Variants in ERGIC2 observed in about 807,000 individuals in gnomAD.
The protein encoded by ERGIC2 is endoplasmic reticulum-Golgi intermediate compartment protein 2.
Under a neutral mutation model 52.5 loss-of-function variants are expected in ERGIC2, and 31 were observed. The observed-to-expected ratio is 0.59, with a 90% CI of 0.44 to 0.80. The LOEUF is 0.80. ERGIC2 is among the 30% of genes least tolerant of loss of function. The pLI, the probability that ERGIC2 is intolerant of heterozygous loss-of-function variation, is 0.00. For synonymous variants in ERGIC2, 129 were observed against 140.6 expected, an observed-to-expected ratio of 0.92 and a Z score of 0.58; for missense variants, 395 against 455.2, an observed-to-expected ratio of 0.87 and a Z score of 1.20.
chr12:29,343,010 T>C (rs1949849800), intron 12 of ERGIC2, 110 bp downstream of exon 12: 4 of 885,022 alleles, frequency 4.5e-6, no homozygotes, highest in Non-Finnish European at 4.9e-6. Context: ...GCAAAAGCTA[T>C]TTAAACACCG....
chr12:29,374,366 T>C (rs1940485949), intron 1 of ERGIC2, among the ~76,000 whole-genome samples: 1 of 152,188 alleles, frequency 6.6e-6, no homozygotes, highest in East Asian at 1.9e-4. Context: ...CCTCTTTGGC[T>C]TACTGTGCAA....
chr12:29,363,570 A>G (rs1265505379), intron 5 of ERGIC2, among the ~76,000 whole-genome samples: 1 of 151,992 alleles, frequency 6.6e-6, no homozygotes, highest in Admixed American at 6.6e-5. Context: ...AATTATAACA[A>G]TTTAAATAAA....
In ERGIC2 at chr12:29,367,968, T is replaced by C. The variant is rs78747280; in HGVS notation, c.262+273A>G. The stretch of plus-strand genomic sequence containing the variant: ...TCCAAACAAAAAAAGACAGAAAGGA[T>C]GTACATAAACTAGAATGCTGATTCA... On this transcript the variant is annotated intron_variant, in intron 4 of 13. Transcript: ENST00000360150. Among the ~76,000 whole-genome samples the C allele has an allele frequency of 0.032, 4,825 of 151,916 alleles. 123 individuals carry two copies. The highest frequency in any genetic ancestry group is 0.12 in the Middle Eastern group (35 of 294).
At chr12:29,367,039 T>G in intron 4 of ERGIC2, 92 bp from the exon 5 acceptor site, 1 of 370,374 alleles carries the variant, frequency 2.7e-6, no homozygotes, top group Non-Finnish European at 4.4e-6. Context: ...AACAGAAAAC[T>G]CACCAAGCAA....
Position 29,341,079 on chromosome 12 carries a change from A to G in ERGIC2, c.*77T>C, listed in dbSNP as rs547329022. The G allele has an allele frequency of 1.2e-5, 11 of 929,014 alleles. No homozygotes were observed. The highest frequency in any genetic ancestry group is 3.4e-6 in the Non-Finnish European group (2 of 595,352). The allele number at this position is 929,014 out of a possible 1,614,324, so 57.5% of individuals were successfully genotyped here. On this transcript the variant is annotated 3_prime_UTR_variant, in exon 14 of 14. Coordinates refer to ENST00000360150, the MANE Select transcript of ERGIC2 (RefSeq NM_016570.3). ...TATTTGTGTTTTCTTTTCTTTGAAT[A>G]TATTGCACAATATTTTATTATTAAA...
chr12:29,345,300 T>C (rs1439280378), intron 11 of ERGIC2, 143 bp downstream of exon 11: 5 of 613,998 alleles, frequency 8.1e-6, no homozygotes, highest in South Asian at 2.0e-5. Context: ...TAAAATAAAA[T>C]GTTAATTCAT....
At chr12:29,364,542 G>T (rs1940332340) in intron 5 of ERGIC2, among the ~76,000 whole-genome samples, 1 of 151,912 alleles carries the variant, frequency 6.6e-6, no homozygotes, top group Non-Finnish European at 1.5e-5. Context: ...ATCACCCTTG[G>T]GAAAGAATTT....
At chr12:29,370,323 C>A in intron 2 of ERGIC2, 101 bp from the exon 3 acceptor site, 1 of 1,287,278 alleles carries the variant, frequency 7.8e-7, no homozygotes, top group Non-Finnish European at 1.0e-6. Context: ...AAAGAAAAAG[C>A]CTAATAATGT....
At chr12:29,367,399 A>G (rs1197037527) in intron 4 of ERGIC2, among the ~76,000 whole-genome samples, 1 of 151,842 alleles carries the variant, frequency 6.6e-6, no homozygotes, top group Non-Finnish European at 1.5e-5. Context: ...TTTTATTCGG[A>G]AAAGGCTAAA....
intron 7 of ERGIC2, among the ~76,000 whole-genome samples, 164 bp from the exon 8 acceptor site, chr12:29,356,641 TA>T (rs1940209915): frequency 6.6e-6 from 1 of 152,172 alleles, no homozygotes. Flanking sequence ...TTATAAAAAT[TA>T]TACATCTATA....
chr12:29,376,311 A>C (rs1033991920), intron 1 of ERGIC2, among the ~76,000 whole-genome samples: 21 of 152,188 alleles, frequency 1.4e-4, no homozygotes, highest in Admixed American at 2.0e-4. Flanking sequence ...ACTGATTCTC[A>C]CTTCCGTACT....
intron 11 of ERGIC2, among the ~76,000 whole-genome samples, chr12:29,343,981 T>C (rs1359943134): frequency 2.6e-5 from 4 of 152,154 alleles, no homozygotes; most frequent in Non-Finnish European, 5.9e-5. Context: ...TAAAAAACTA[T>C]TTTAGTCACC....
chr12:29,360,542 CTT>C (rs1486350292), intron 6 of ERGIC2, among the ~76,000 whole-genome samples: 1 of 146,092 alleles, frequency 6.8e-6, no homozygotes, highest in Non-Finnish European at 1.5e-5. Flanking sequence ...AATATATAAA[CTT>C]TTATATATTA....
At chr12:29,371,793 T>C in intron 1 of ERGIC2, 123 bp from the exon 2 acceptor site, 1 of 560,432 alleles carries the variant, frequency 1.8e-6, no homozygotes, top group Admixed American at 3.3e-5. Context: ...CCCTTAAAAA[T>C]AAAAAGCATA....
chr12:29,339,811 AC>A lies in ERGIC2; in HGVS notation c.*1344del, dbSNP rs1356239247. ...TACTTGTGATATCCTGTTTTCTAAA[AC>A]CACTATTTTAAATCTAGTTTTTCAG... On this transcript the variant is annotated 3_prime_UTR_variant, in exon 14 of 14. Transcript: ENST00000360150. 6.6e-6 allele frequency: 1 copy of A among 152,122 alleles called. No homozygotes were observed. The highest frequency in any genetic ancestry group is 1.5e-5 in the Non-Finnish European group (1 of 67,992). The allele number at this position is 152,122 out of a possible 1,614,324, so 9.4% of individuals were successfully genotyped here. A position where few individuals can be genotyped will look rare whatever the true frequency, so the allele number is the denominator to read the frequency against.
At position 29,365,682 on chromosome 12, in the gene ERGIC2, AAAAAC is replaced by A. The variant is rs796379862; in HGVS notation, c.333+1190_333+1194del. On this transcript the variant is annotated intron_variant, in intron 5 of 13. Coordinates refer to ENST00000360150, the MANE Select transcript of ERGIC2 (RefSeq NM_016570.3). ...AAGAATGGCAGAAAATTAAAAAAAA[AAAAAC>A]AAAGTTAAAGTTAAATAAGTATTCT... Among the ~76,000 whole-genome samples the A allele has an allele frequency of 2.7e-3, 413 of 152,008 alleles. 2 individuals carry two copies. Among genetic ancestry groups the A allele is most frequent in the African/African-American group, 9.4e-3 (391 of 41,540 alleles).
At position 29,341,087 on chromosome 12, in the gene ERGIC2, C is replaced by T; in HGVS notation, c.*69G>A. Reference sequence around the variant, plus strand: ...TTTTCTTTTCTTTGAATATATTGCACAATATTTTATTATTAAAAAAAGGTT... The same window carrying T: ...TTTTCTTTTCTTTGAATATATTGCATAATATTTTATTATTAAAAAAAGGTT... On this transcript the variant is annotated 3_prime_UTR_variant, in exon 14 of 14. Transcript: ENST00000360150. 9.9e-7 allele frequency: 1 copy of T among 1,010,438 alleles called. No individual in the cohort carries two copies. The highest frequency in any genetic ancestry group is 1.4e-5 in the South Asian group (1 of 69,020). The allele number at this position is 1,010,438 out of a possible 1,614,324, so 62.6% of individuals were successfully genotyped here. A position where few individuals can be genotyped will look rare whatever the true frequency, so the allele number is the denominator to read the frequency against.
chr12:29,352,737 T>C (rs1940149744), intron 8 of ERGIC2, among the ~76,000 whole-genome samples: 1 of 152,100 alleles, frequency 6.6e-6, no homozygotes, highest in Non-Finnish European at 1.5e-5. Context: ...CAAAAACAGG[T>C]AGTAGGCTGG....
At chr12:29,342,002 A>T in intron 12 of ERGIC2, 186 bp from the exon 13 acceptor site, 1 of 445,886 alleles carries the variant, frequency 2.2e-6, no homozygotes, top group Non-Finnish European at 4.1e-6. Context: ...AGGCCACATA[A>T]TTCACGATCT....
Sources: allele counts gnomAD v4.1 joint callset (sites outside exome capture counted in the v4.1 genomes callset), GRCh38; gene constraint gnomAD v4.1.1; transcripts MANE v1.5; gene names NCBI Gene and HGNC (gene_info 2026-07-23, HGNC 2026-07-21).